GRIK1: variants seen among roughly 807,000 people sequenced by gnomAD.
The protein encoded by GRIK1 is glutamate ionotropic receptor kainate type subunit 1.
GRIK1 carries 69 observed loss-of-function variants against 105.7 expected under a neutral mutation model. That is an observed-to-expected ratio of 0.65 (90% confidence interval 0.54 to 0.80). The LOEUF (loss-of-function observed/expected upper bound fraction) is 0.80, where lower values mean the gene tolerates loss of function less well. Among genes scored for constraint, GRIK1 ranks in the 30% least tolerant of loss-of-function variants. The pLI, the probability that GRIK1 is intolerant of heterozygous loss-of-function variation, is 0.00. For synonymous variants in GRIK1, 438 were observed against 431.3 expected (o/e 1.02, Z -0.19); for missense variants, 1,109 against 1,167.3 (o/e 0.95, Z 0.73).
chr21:29,916,202 C>T (rs190412182), intron 1 of GRIK1, among the ~76,000 whole-genome samples: 13 of 151,532 alleles, frequency 8.6e-5, no homozygotes, highest in African/African-American at 3.1e-4. Context: ...AAGTAATGTT[C>T]AAGATTGGAA....
intron 7 of GRIK1, among the ~76,000 whole-genome samples, chr21:29,616,618 C>A (rs1175117639): frequency 6.6e-6 from 1 of 152,202 alleles, no homozygotes; most frequent in East Asian, 1.9e-4. Flanking sequence ...TCTGGGGCTT[C>A]AATTCACTCA....
chr21:29,843,813 C>T (rs2068042611), intron 1 of GRIK1, among the ~76,000 whole-genome samples: 1 of 152,184 alleles, frequency 6.6e-6, no homozygotes, highest in Non-Finnish European at 1.5e-5. Context: ...CTCCTGCCTT[C>T]AGTAACCAGG....
At chr21:29,809,788 A>T (rs78065212) in intron 1 of GRIK1, among the ~76,000 whole-genome samples, 7,331 of 152,272 alleles carry the variant, frequency 0.048, 230 homozygotes, top group Middle Eastern at 0.078. Flanking sequence ...AGAGATGTAT[A>T]ACTCTTCCTT....
In GRIK1 at chr21:29,735,167, C is replaced by T. The variant is rs117372760; in HGVS notation, c.119-41104G>A. ...AAAGAAAGGACTTTGCTTTATTCAT[C>T]GTGGATCTCCAGAGCCTAAAAAACT... is the stretch of plus-strand genomic sequence containing the variant. On this transcript the variant is annotated intron_variant, in intron 1 of 17. Coordinates refer to ENST00000327783, the MANE Select transcript of GRIK1 (RefSeq NM_001330994.2). 3.1e-3 allele frequency among the ~76,000 whole-genome samples: 465 copies of T among 152,322 alleles called. 4 individuals carry two copies. Among genetic ancestry groups the T allele is most frequent in the Non-Finnish European group, 5.6e-3 (380 of 68,024 alleles).
intron 1 of GRIK1, among the ~76,000 whole-genome samples, chr21:29,933,917 T>TA (rs1479221969): frequency 6.6e-6 from 1 of 152,186 alleles, no homozygotes; most frequent in Non-Finnish European, 1.5e-5. Flanking sequence ...GACATATGGA[T>TA]AATTATCAGT....
chr21:29,601,640 T>C (rs1178473458), intron 7 of GRIK1, among the ~76,000 whole-genome samples: 1 of 152,208 alleles, frequency 6.6e-6, no homozygotes, highest in African/African-American at 2.4e-5. Flanking sequence ...AAGATTGGCT[T>C]ATTGTGCTAT....
intron 1 of GRIK1, among the ~76,000 whole-genome samples, chr21:29,807,438 A>G (rs2066895650): frequency 6.6e-6 from 1 of 152,060 alleles, no homozygotes; most frequent in South Asian, 2.1e-4. Flanking sequence ...GGAGGCTTAC[A>G]TGCTACATTC....
chr21:29,635,149 T>C (rs1030275011), intron 7 of GRIK1, among the ~76,000 whole-genome samples: 1 of 152,144 alleles, frequency 6.6e-6, no homozygotes, highest in Non-Finnish European at 1.5e-5. Flanking sequence ...AGATAACCTG[T>C]AGAGCTATGG....
intron 1 of GRIK1, among the ~76,000 whole-genome samples, chr21:29,779,838 C>A (rs534696790): frequency 6.6e-6 from 1 of 152,076 alleles, no homozygotes; most frequent in Admixed American, 6.5e-5. Flanking sequence ...AGGTATCTAG[C>A]TGACAAAATG....
intron 16 of GRIK1, chr21:29,553,225 C>T (rs2090166176): frequency 1.0e-6 from 1 of 996,408 alleles, no homozygotes; most frequent in African/African-American, 1.7e-5. Context: ...ATGCTTTGCC[C>T]TGTTGAAAGT....
intron 1 of GRIK1, among the ~76,000 whole-genome samples, chr21:29,821,894 C>A (rs2067316952): frequency 6.6e-6 from 1 of 151,904 alleles, no homozygotes; most frequent in African/African-American, 2.4e-5. Flanking sequence ...TGTTAAAATA[C>A]TTGTAGGCTA....
Position 29,536,938 on chromosome 21 carries a change from GA to G in GRIK1, c.*291del, listed in dbSNP as rs936711896. ...AACAAACCAAGCTCAACTTGTTCTG[GA>G]AAAAAACCCTGTTGTTTTATTATTA... On this transcript the variant is annotated 3_prime_UTR_variant, in exon 18 of 18. Transcript: ENST00000327783. 3.0e-4 allele frequency: 56 copies of G among 188,726 alleles called. No individual in the cohort carries two copies. Among genetic ancestry groups the G allele is most frequent in the African/African-American group, 1.3e-3 (55 of 43,084 alleles). 11.7% of individuals were successfully genotyped at this position (188,726 alleles called of 1,614,324 possible). A position where few individuals can be genotyped will look rare whatever the true frequency, so the allele number is the denominator to read the frequency against.
At chr21:29,750,129 G>A (rs1436821961) in intron 1 of GRIK1, among the ~76,000 whole-genome samples, 1 of 151,848 alleles carries the variant, frequency 6.6e-6, no homozygotes, top group Non-Finnish European at 1.5e-5. Flanking sequence ...ATTGAGGAGA[G>A]GGAAGCATCT....
chr21:29,622,894 G>A (rs1162104134), intron 7 of GRIK1, among the ~76,000 whole-genome samples: 1 of 151,946 alleles, frequency 6.6e-6, no homozygotes, highest in Non-Finnish European at 1.5e-5. Context: ...TTCCCAACTG[G>A]CAAATTTGCT....
chr21:29,577,246 T>C, intron 13 of GRIK1, 65 bp from the exon 14 acceptor site: 1 of 874,922 alleles, frequency 1.1e-6, no homozygotes, highest in Admixed American at 1.7e-5. Flanking sequence ...GATGTACAGT[T>C]CGACACTATT....
chr21:29,903,983 A>G (rs1368424694), intron 1 of GRIK1, among the ~76,000 whole-genome samples: 3 of 152,206 alleles, frequency 2.0e-5, no homozygotes, highest in Non-Finnish European at 4.4e-5. Context: ...AGGGACATGG[A>G]TGAAGCTGGA....
chr21:29,568,768 A>G (rs541861116), intron 14 of GRIK1, among the ~76,000 whole-genome samples: 2 of 152,204 alleles, frequency 1.3e-5, no homozygotes, highest in Non-Finnish European at 2.9e-5. Context: ...TTTAACAGGT[A>G]TTCATACCTC....
chr21:29,681,418 A>G (rs1034738254), intron 3 of GRIK1, among the ~76,000 whole-genome samples: 1 of 151,970 alleles, frequency 6.6e-6, no homozygotes, highest in Non-Finnish European at 1.5e-5. Context: ...ACTCTGATCC[A>G]TCCACCCTGG....
chr21:29,939,836 C>A lies in GRIK1; in HGVS notation c.-336G>T, dbSNP rs75773842. ...AAGTTGCTGCCCCGATCTGCAGGAA[C>A]GTCTCCCTCATTCGTCCTTTGGTCA... On this transcript the variant is annotated 5_prime_UTR_variant, in exon 1 of 18. Transcript: ENST00000327783. 9.9e-3 allele frequency: 2,301 copies of A among 232,226 alleles called. 25 individuals carry two copies. Among genetic ancestry groups the A allele is most frequent in the Middle Eastern group, 0.019 (14 of 752 alleles). The allele number at this position is 232,226 out of a possible 1,614,324, so 14.4% of individuals were successfully genotyped here. A position where few individuals can be genotyped will look rare whatever the true frequency, so the allele number is the denominator to read the frequency against.
Sources: allele counts gnomAD v4.1 joint callset (sites outside exome capture counted in the v4.1 genomes callset), GRCh38; gene constraint gnomAD v4.1.1; transcripts MANE v1.5; gene names NCBI Gene and HGNC (gene_info 2026-07-23, HGNC 2026-07-21).